EYS: variants seen among roughly 807,000 people sequenced by gnomAD.
EYS encodes the protein EGF-like photoreceptor maintenance factor, also known as protein eyes shut homolog.
Under a neutral mutation model 282.1 loss-of-function variants are expected in EYS, and 250 were observed. The ratio of observed to expected loss-of-function variants is 0.89; its 90% CI spans 0.80 to 0.98. The LOEUF (loss-of-function observed/expected upper bound fraction) is 0.98. EYS is among the 50% of genes least tolerant of loss of function. EYS has a pLI of 0.00. For synonymous variants in EYS, 1,355 were observed against 1,282.9 expected (o/e 1.06, Z -1.20); for missense variants, 4,016 against 3,709.0 (o/e 1.08, Z -2.15).
chr6:64,168,260 C>T (rs1764359865), intron 31 of EYS, among the ~76,000 whole-genome samples: 1 of 151,274 alleles, frequency 6.6e-6, no homozygotes, highest in South Asian at 2.1e-4. Context: ...AACTCCATTT[C>T]AATAAATAAA....
chr6:64,982,233 C>A (rs1452424565), intron 14 of EYS, among the ~76,000 whole-genome samples: 1 of 151,148 alleles, frequency 6.6e-6, no homozygotes, highest in Non-Finnish European at 1.5e-5. Flanking sequence ...AATATTTAAA[C>A]AAATTGAAGA....
At chr6:64,317,325 C>G (rs181039334) in intron 29 of EYS, among the ~76,000 whole-genome samples, 1 of 149,046 alleles carries the variant, frequency 6.7e-6, no homozygotes, top group Non-Finnish European at 1.5e-5. Flanking sequence ...CTACAAAGAA[C>G]TTAAATTTAC....
At chr6:63,991,967 C>A (rs115841846) in intron 34 of EYS, among the ~76,000 whole-genome samples, 75 of 151,764 alleles carry the variant, frequency 4.9e-4, no homozygotes, top group Non-Finnish European at 8.6e-4. Context: ...TTTAAAGGAA[C>A]CTGCAAACCA....
intron 12 of EYS, among the ~76,000 whole-genome samples, chr6:65,190,893 A>T (rs1445289078): frequency 1.3e-5 from 2 of 151,848 alleles, no homozygotes; most frequent in African/African-American, 4.8e-5. Context: ...CTAATACAAA[A>T]ATTCTAGGAA....
chr6:64,796,154 A>G lies in EYS; in HGVS notation c.3443+17224T>C, dbSNP rs147182137. Among the ~76,000 whole-genome samples the G allele has an allele frequency of 6.7e-4, 102 of 152,320 alleles. 1 individual carries two copies. Among genetic ancestry groups the G allele is most frequent in the Non-Finnish European group, 1.9e-4 (13 of 68,028 alleles). On this transcript the variant is annotated intron_variant, in intron 22 of 42. Coordinates refer to ENST00000503581, the MANE Select transcript of EYS (RefSeq NM_001142800.2). ...GACAATGCTTCTGAAAATCCAACCT[A>G]TATCCAACTTACATAATTATTTATT...
At chr6:64,672,257 C>A (rs1769488978) in intron 22 of EYS, among the ~76,000 whole-genome samples, 1 of 152,190 alleles carries the variant, frequency 6.6e-6, no homozygotes, top group African/African-American at 2.4e-5. Context: ...AATGAAACAG[C>A]AGCCACAGAA....
chr6:65,285,471 A>G (rs548967749), intron 12 of EYS, among the ~76,000 whole-genome samples: 1 of 152,052 alleles, frequency 6.6e-6, no homozygotes, highest in African/African-American at 2.4e-5. Context: ...AATGCTTTTT[A>G]CATTTAGTCA....
chr6:64,633,571 A>C (rs1767866161), intron 22 of EYS, among the ~76,000 whole-genome samples: 1 of 151,744 alleles, frequency 6.6e-6, no homozygotes, highest in Non-Finnish European at 1.5e-5. Context: ...CACATTGAGC[A>C]ACTGGGACTC....
intron 33 of EYS, among the ~76,000 whole-genome samples, chr6:64,035,783 T>TA (rs1204874688): frequency 6.6e-6 from 1 of 152,238 alleles, no homozygotes; most frequent in Non-Finnish European, 1.5e-5. Flanking sequence ...TGCAGTGCTT[T>TA]AAAAATTTTT....
intron 1 of EYS, among the ~76,000 whole-genome samples, chr6:65,699,269 A>ACATAAT (rs2149850685): frequency 6.6e-6 from 1 of 152,280 alleles, no homozygotes; most frequent in South Asian, 2.1e-4. Flanking sequence ...TTGAAGTTTC[A>ACATAAT]CATAATTTTA....
chr6:64,647,994 T>C (rs1768416409), intron 22 of EYS, among the ~76,000 whole-genome samples: 1 of 152,216 alleles, frequency 6.6e-6, no homozygotes, highest in Non-Finnish European at 1.5e-5. Context: ...GTCATGCCAA[T>C]CGCCCTGTGA....
At chr6:64,615,400 A>G (rs1247604048) in intron 24 of EYS, among the ~76,000 whole-genome samples, 1 of 152,098 alleles carries the variant, frequency 6.6e-6, no homozygotes, top group Non-Finnish European at 1.5e-5. Context: ...ACCTGTATCC[A>G]TTTCAATATT....
chr6:65,076,081 C>T (rs1456201980), intron 12 of EYS, among the ~76,000 whole-genome samples: 2 of 151,752 alleles, frequency 1.3e-5, no homozygotes, highest in African/African-American at 2.4e-5. Flanking sequence ...TTTGTAAAAC[C>T]ACATTTTATT....
At chr6:64,422,510 G>T (rs1774268986) in intron 28 of EYS, among the ~76,000 whole-genome samples, 1 of 152,176 alleles carries the variant, frequency 6.6e-6, no homozygotes, top group Non-Finnish European at 1.5e-5. Context: ...TGGTCAATTG[G>T]AATGGCTGGG....
At chr6:65,111,067 T>G (rs1194923672) in intron 12 of EYS, among the ~76,000 whole-genome samples, 2 of 152,158 alleles carry the variant, frequency 1.3e-5, no homozygotes, top group African/African-American at 4.8e-5. Context: ...AGGAAATATG[T>G]GCATAGAAAA....
chr6:64,556,963 C>T (rs934904256), intron 26 of EYS, among the ~76,000 whole-genome samples: 7 of 151,754 alleles, frequency 4.6e-5, no homozygotes, highest in African/African-American at 7.3e-5. Flanking sequence ...ATTAATGTTA[C>T]TTAGAAAAGG....
chr6:65,544,636 C>T (rs1366578104), intron 2 of EYS, among the ~76,000 whole-genome samples: 1 of 152,176 alleles, frequency 6.6e-6, no homozygotes, highest in African/African-American at 2.4e-5. Flanking sequence ...ACAATTAAAC[C>T]TCTTTCCTTT....
chr6:65,426,506 T>C (rs1423513214), intron 5 of EYS, among the ~76,000 whole-genome samples: 1 of 152,162 alleles, frequency 6.6e-6, no homozygotes, highest in Non-Finnish European at 1.5e-5. Context: ...GTAAAATGTC[T>C]GCTAGACCTA....
intron 22 of EYS, among the ~76,000 whole-genome samples, chr6:64,771,154 T>C (rs551530112): frequency 6.6e-6 from 1 of 151,876 alleles, no homozygotes; most frequent in Admixed American, 6.6e-5. Context: ...ATGCTATATA[T>C]ATAATTTCTC....
Sources: allele counts gnomAD v4.1 joint callset (sites outside exome capture counted in the v4.1 genomes callset), GRCh38; gene constraint gnomAD v4.1.1; transcripts MANE v1.5; gene names NCBI Gene and HGNC (gene_info 2026-07-23, HGNC 2026-07-21).